The following NRXN1 variants were observed in gnomAD, a reference collection of about 807,000 sequenced individuals.
The protein encoded by NRXN1 is neurexin-1.
NRXN1 carries 39 observed loss-of-function variants against 150.9 expected under a neutral mutation model. The ratio of observed to expected loss-of-function variants is 0.26; its 90% confidence interval spans 0.20 to 0.34. NRXN1 has a LOEUF of 0.34. NRXN1 is among the 10% of genes least tolerant of loss of function. NRXN1 has a pLI of 1.00. For synonymous variants in NRXN1, 924 were observed against 757.0 expected (o/e 1.22, Z -3.62); for missense variants, 1,815 against 1,949.9 (o/e 0.93, Z 1.30).
At chr2:50,866,751 G>A (rs995230405) in intron 5 of NRXN1, among the ~76,000 whole-genome samples, 4 of 151,828 alleles carry the variant, frequency 2.6e-5, no homozygotes, top group African/African-American at 9.7e-5. Context: ...AGAGTTTATG[G>A]AACTCAGAGA....
intron 17 of NRXN1, among the ~76,000 whole-genome samples, chr2:50,279,092 T>C (rs2071055862): frequency 6.6e-6 from 1 of 152,198 alleles, no homozygotes; most frequent in South Asian, 2.1e-4. Context: ...TCAGGGACTA[T>C]CCTATTTTGT....
At chr2:50,515,600 GGTGTGT>G (rs60612860) in intron 12 of NRXN1, among the ~76,000 whole-genome samples, 4,180 of 143,402 alleles carry the variant, frequency 0.029, 126 homozygotes, top group African/African-American at 0.086. Flanking sequence ...AAATGCTTGG[GGTGTGT>G]GTGTGTGTGT....
chr2:50,242,920 G>A (rs1168814275), intron 17 of NRXN1, among the ~76,000 whole-genome samples: 1 of 151,664 alleles, frequency 6.6e-6, no homozygotes. Context: ...CACAGAAATG[G>A]TTTAGGCACA....
intron 2 of NRXN1, among the ~76,000 whole-genome samples, chr2:50,948,160 C>T (rs889117569): frequency 2.6e-5 from 4 of 152,064 alleles, no homozygotes; most frequent in African/African-American, 9.6e-5. Flanking sequence ...TCTAAATACA[C>T]TTGAAAAGAT....
chr2:50,109,592 T>TAA (rs796264572), intron 18 of NRXN1, among the ~76,000 whole-genome samples: 1 of 144,296 alleles, frequency 6.9e-6, no homozygotes, highest in African/African-American at 2.5e-5. Flanking sequence ...AAAGGATCCT[T>TAA]AAAAAAAAAA....
chr2:50,050,270 C>G (rs949217252), intron 21 of NRXN1, among the ~76,000 whole-genome samples: 4 of 150,662 alleles, frequency 2.7e-5, no homozygotes, highest in Non-Finnish European at 4.4e-5. Context: ...TCTGTGAAAA[C>G]TGAAATACAT....
chr2:50,529,335 A>T (rs1485878812), intron 11 of NRXN1, among the ~76,000 whole-genome samples: 1 of 152,206 alleles, frequency 6.6e-6, no homozygotes, highest in Non-Finnish European at 1.5e-5. Context: ...TGCCTCTCTT[A>T]GGAGCTAACA....
Position 50,346,877 on chromosome 2 carries a change from C to T in NRXN1, c.3365-109907G>A, listed in dbSNP as rs1300071722. Reference sequence around the variant, plus strand: ...AGGGCCAGGCGCCCCCCTGCGCCGCCGCCGCCGCCGCCGCCGCCGCCGCCC... The same window carrying T: ...AGGGCCAGGCGCCCCCCTGCGCCGCTGCCGCCGCCGCCGCCGCCGCCGCCC... On this transcript the variant is annotated intron_variant, in intron 17 of 22. Coordinates refer to ENST00000401669, the MANE Select transcript of NRXN1 (RefSeq NM_001330078.2). This position sits in a 1 kb window ranked among gnomAD's most constrained non-coding sequence, Gnocchi z 5.0. The T allele has an allele frequency of 2.9e-5, 38 of 1,294,798 alleles. No individual in the cohort carries two copies. Among genetic ancestry groups the T allele is most frequent in the Middle Eastern group, 2.7e-4 (1 of 3,664 alleles). The allele number at this position is 1,294,798 out of a possible 1,614,324, so 80.2% of individuals were successfully genotyped here.
intron 5 of NRXN1, among the ~76,000 whole-genome samples, chr2:50,646,607 T>C (rs564229423): frequency 2.1e-4 from 32 of 151,862 alleles, no homozygotes; most frequent in South Asian, 1.2e-3. Context: ...TTTTCCACAC[T>C]AGTGACATGA....
At chr2:50,409,932 A>C (rs944188446) in intron 17 of NRXN1, among the ~76,000 whole-genome samples, 7 of 152,156 alleles carry the variant, frequency 4.6e-5, no homozygotes, top group Non-Finnish European at 1.0e-4. Context: ...ACAGAGTTCA[A>C]AGCTCTCGGT....
chr2:50,281,075 C>T (rs1387930515), intron 17 of NRXN1, among the ~76,000 whole-genome samples: 13 of 148,702 alleles, frequency 8.7e-5, no homozygotes, highest in Non-Finnish European at 1.3e-4. Context: ...GAGGCCGAGG[C>T]GGGCAGATCA....
chr2:50,832,930 A>G (rs1381841579), intron 5 of NRXN1, among the ~76,000 whole-genome samples: 1 of 152,194 alleles, frequency 6.6e-6, no homozygotes, highest in Non-Finnish European at 1.5e-5. Flanking sequence ...CTGACAAAAG[A>G]CTTGAATTCA....
chr2:50,932,438 T>C (rs1460566813), intron 2 of NRXN1, among the ~76,000 whole-genome samples: 7 of 152,104 alleles, frequency 4.6e-5, no homozygotes, highest in Non-Finnish European at 2.9e-5. Context: ...GGTAGATTGT[T>C]ACCCATTTTG....
intron 5 of NRXN1, among the ~76,000 whole-genome samples, chr2:50,782,053 T>TACAATTA (rs1704420714): frequency 6.6e-6 from 1 of 152,202 alleles, no homozygotes; most frequent in African/African-American, 2.4e-5. Flanking sequence ...CCTCTATGTT[T>TACAATTA]ACAATTAACT....
At chr2:50,447,738 TATATATATATA>T (rs1172139010) in intron 17 of NRXN1, among the ~76,000 whole-genome samples, 11 of 60,550 alleles carry the variant, frequency 1.8e-4, no homozygotes, top group Admixed American at 4.7e-4. Context: ...AGGGGAACGT[TATATATATATA>T]TATATATATA....
chr2:50,599,319 T>C (rs1359641310), intron 8 of NRXN1, among the ~76,000 whole-genome samples: 2 of 152,060 alleles, frequency 1.3e-5, no homozygotes, highest in East Asian at 1.9e-4. Context: ...CTTACAAAAA[T>C]GGGCAAGCCA....
At chr2:50,932,789 CTTT>C (rs922818964) in intron 2 of NRXN1, among the ~76,000 whole-genome samples, 1 of 151,854 alleles carries the variant, frequency 6.6e-6, no homozygotes, top group Non-Finnish European at 1.5e-5. Flanking sequence ...ACTGGTATCA[CTTT>C]TTTTTCTTAA....
At chr2:50,131,942 G>C (rs1282621637) in intron 18 of NRXN1, among the ~76,000 whole-genome samples, 2 of 152,094 alleles carry the variant, frequency 1.3e-5, no homozygotes, top group Non-Finnish European at 2.9e-5. Context: ...GGGAAAAAAA[G>C]TTATTTTTGT....
At chr2:50,374,983 C>T (rs904577520) in intron 17 of NRXN1, among the ~76,000 whole-genome samples, 2 of 152,038 alleles carry the variant, frequency 1.3e-5, no homozygotes, top group African/African-American at 4.8e-5. Context: ...CTAAATGGAT[C>T]AAAAGAAATA....
Sources: allele counts gnomAD v4.1 joint callset (sites outside exome capture counted in the v4.1 genomes callset), GRCh38; gene constraint gnomAD v4.1.1; non-coding constraint Gnocchi (gnomAD v3.1); transcripts MANE v1.5; gene names NCBI Gene and HGNC (gene_info 2026-07-23, HGNC 2026-07-21).